Variants in SYT6 observed in about 807,000 individuals in gnomAD.
SYT6 encodes synaptotagmin-6.
In SYT6, 24 loss-of-function variants were observed where a neutral mutation model predicts 38.4. The observed-to-expected ratio is 0.62, with a 90% CI of 0.45 to 0.88. SYT6 has a LOEUF of 0.88. Among genes scored for constraint, SYT6 ranks in the 40% least tolerant of loss-of-function variants. SYT6 has a pLI of 0.00. For synonymous variants in SYT6, 265 were observed against 241.9 expected, an observed-to-expected ratio of 1.10 and a Z score of -0.89; for missense variants, 611 against 621.0, an observed-to-expected ratio of 0.98 and a Z score of 0.17.
At chr1:114,115,744 T>A (rs988588128) in intron 3 of SYT6, among the ~76,000 whole-genome samples, 3 of 152,180 alleles carry the variant, frequency 2.0e-5, no homozygotes, top group Non-Finnish European at 4.4e-5. Flanking sequence ...ATTTTACTCA[T>A]ACTCTATGCC....
At chr1:114,099,356 C>T in intron 4 of SYT6, 91 bp from the exon 5 acceptor site, 1 of 1,336,650 alleles carries the variant, frequency 7.5e-7, no homozygotes, top group Non-Finnish European at 1.0e-6. Context: ...AAGCCCTAGA[C>T]CTACTGCTGC....
intron 3 of SYT6, among the ~76,000 whole-genome samples, chr1:114,117,987 C>T (rs1485726719): frequency 1.3e-5 from 2 of 152,232 alleles, no homozygotes; most frequent in East Asian, 3.9e-4. Context: ...CTTCCTGTTC[C>T]ATCCTGCTGT....
intron 3 of SYT6, among the ~76,000 whole-genome samples, chr1:114,104,823 TA>T (rs1571830040): frequency 1.3e-5 from 2 of 151,944 alleles, no homozygotes; most frequent in Non-Finnish European, 2.9e-5. Context: ...AATTTCAACT[TA>T]AAAAAAATTC....
chr1:114,094,846 C>A lies in SYT6; in HGVS notation c.1516-1043G>T, dbSNP rs58066064. 2.8e-3 allele frequency among the ~76,000 whole-genome samples: 419 copies of A among 152,240 alleles called. 4 individuals are homozygous for A. Among genetic ancestry groups the A allele is most frequent in the African/African-American group, 9.0e-3 (372 of 41,540 alleles). ...TCTTGCTCAATATCCAGAACGGGAA[C>A]GAAAAGAAGGCAGGATGTGAGCTCT... On this transcript the variant is annotated intron_variant, in intron 6 of 7. Coordinates refer to ENST00000610222, the MANE Select transcript of SYT6 (RefSeq NM_001253772.2).
At chr1:114,112,057 G>C (rs531330565) in intron 3 of SYT6, among the ~76,000 whole-genome samples, 1 of 152,148 alleles carries the variant, frequency 6.6e-6, no homozygotes, top group Non-Finnish European at 1.5e-5. Context: ...GGCAGGTTCT[G>C]TTTGTTCTGA....
chr1:114,142,164 TG>T (rs199777796), intron 1 of SYT6, among the ~76,000 whole-genome samples: 2,292 of 152,360 alleles, frequency 0.015, 20 homozygotes, highest in Non-Finnish European at 0.025. Flanking sequence ...CTGATGGATC[TG>T]GGCAAAGTAA....
At chr1:114,106,156 G>A (rs1200670647) in intron 3 of SYT6, among the ~76,000 whole-genome samples, 1 of 152,204 alleles carries the variant, frequency 6.6e-6, no homozygotes, top group African/African-American at 2.4e-5. Context: ...GTCTCACATA[G>A]GCACTGAGGT....
chr1:114,148,724 C>A (rs1679284980), intron 1 of SYT6, among the ~76,000 whole-genome samples: 1 of 151,958 alleles, frequency 6.6e-6, no homozygotes, highest in African/African-American at 2.4e-5. Flanking sequence ...GAGCATTATG[C>A]CCTTTACATT....
At chr1:114,137,422 G>C in intron 3 of SYT6, 73 bp downstream of exon 3, 2 of 1,512,754 alleles carry the variant, frequency 1.3e-6, no homozygotes, top group Non-Finnish European at 1.8e-6. Context: ...TAGGAAGTGA[G>C]GGTTTGGGGA....
At position 114,139,725 on chromosome 1, in the gene SYT6, G is replaced by A; in HGVS notation, c.402C>T (p.Ile134=). Residue 134 remains isoleucine, a synonymous_variant, in exon 2 of 8, where the codon ATC becomes ATT. Coordinates refer to ENST00000610222, the MANE Select transcript of SYT6 (RefSeq NM_001253772.2). ...CTGGGATATCTGGGGACGTGTGGCT[G>A]ATCTTCACGGCCGCCTCCAGGAAGC... ...TLGFLEAAVK[I]SHTSPDIPAE... The A allele has an allele frequency of 6.2e-7, 1 of 1,614,186 alleles. No individual in the cohort carries two copies. Among genetic ancestry groups the A allele is most frequent in the South Asian group, 1.1e-5 (1 of 91,084 alleles).
chr1:114,143,814 C>A (rs1679005686), intron 1 of SYT6, among the ~76,000 whole-genome samples: 1 of 151,768 alleles, frequency 6.6e-6, no homozygotes, highest in Non-Finnish European at 1.5e-5. Context: ...ACTCCCCCAC[C>A]CCCAGCCCAC....
chr1:114,113,386 C>T (rs535584108), intron 3 of SYT6, among the ~76,000 whole-genome samples: 1 of 152,288 alleles, frequency 6.6e-6, no homozygotes, highest in African/African-American at 2.4e-5. Context: ...TAATATCCAT[C>T]TCCCCACTCA....
At chr1:114,095,157 G>A (rs1043007881) in intron 6 of SYT6, among the ~76,000 whole-genome samples, 1 of 152,104 alleles carries the variant, frequency 6.6e-6, no homozygotes, top group Admixed American at 6.5e-5. Flanking sequence ...GGCCTGCAAG[G>A]TCAGGAAAAA....
At chr1:114,094,990 C>T (rs998669864) in intron 6 of SYT6, among the ~76,000 whole-genome samples, 5 of 152,124 alleles carry the variant, frequency 3.3e-5, no homozygotes, top group African/African-American at 9.7e-5. Context: ...AAACTGTGGG[C>T]GCTAAATGTG....
chr1:114,135,291 C>T (rs1678409790), intron 3 of SYT6, among the ~76,000 whole-genome samples: 1 of 152,110 alleles, frequency 6.6e-6, no homozygotes, highest in Non-Finnish European at 1.5e-5. Flanking sequence ...AGACCTTCAC[C>T]AGCTGTCCTA....
chr1:114,149,642 T>C (rs1433003342), intron 1 of SYT6, among the ~76,000 whole-genome samples: 2 of 152,052 alleles, frequency 1.3e-5, no homozygotes, highest in African/African-American at 2.4e-5. Flanking sequence ...ATTAATATTA[T>C]TAGTTTGGTG....
rs138086616 is a variant in SYT6, at chr1:114,134,485, AAGCCATTCCTG to A, written c.1071+2999_1071+3009del. ...CAAGAGAAAGTCAAATGTGGGTCAC[AAGCCATTCCTG>A]AGCCATTGGGAGGACTTTACAAGAT... On this transcript the variant is annotated intron_variant, in intron 3 of 7. Transcript: ENST00000610222. 1.7e-3 allele frequency among the ~76,000 whole-genome samples: 266 copies of A among 152,350 alleles called. 5 individuals carry two copies. In the East Asian group the frequency reaches 0.048, roughly 28 times the overall value.
At chr1:114,127,021 C>T (rs777870824) in intron 3 of SYT6, among the ~76,000 whole-genome samples, 1 of 152,202 alleles carries the variant, frequency 6.6e-6, no homozygotes, top group Non-Finnish European at 1.5e-5. Flanking sequence ...TTGTGAAAGG[C>T]CAAGTTTAGA....
intron 3 of SYT6, among the ~76,000 whole-genome samples, chr1:114,122,625 A>G (rs1677483736): frequency 6.6e-6 from 1 of 152,214 alleles, no homozygotes; most frequent in Admixed American, 6.5e-5. Flanking sequence ...CAGGAGGCAG[A>G]GAGGAGCGCA....
Sources: allele counts gnomAD v4.1 joint callset (sites outside exome capture counted in the v4.1 genomes callset), GRCh38; gene constraint gnomAD v4.1.1; transcripts MANE v1.5; gene names NCBI Gene and HGNC (gene_info 2026-07-23, HGNC 2026-07-21).